Variants in TMTC2 observed in about 807,000 individuals in gnomAD.
TMTC2 encodes the protein transmembrane O-mannosyltransferase targeting cadherins 2, also known as protein O-mannosyl-transferase TMTC2.
A neutral mutation model predicts 82.4 loss-of-function variants in TMTC2; 43 were observed. That is an observed-to-expected ratio of 0.52 (90% confidence interval 0.41 to 0.67). The LOEUF is 0.67. TMTC2 is among the 30% of genes least tolerant of loss of function. The pLI is 0.00. For missense variants in TMTC2, 919 were observed against 1,012.4 expected, an observed-to-expected ratio of 0.91 and a Z score of 1.25; for synonymous variants, 408 against 381.9, an observed-to-expected ratio of 1.07 and a Z score of -0.80.
intron 1 of TMTC2, among the ~76,000 whole-genome samples, chr12:82,707,502 C>T (rs1160298260): frequency 6.6e-6 from 1 of 152,166 alleles, no homozygotes; most frequent in East Asian, 1.9e-4. Flanking sequence ...GCCATGAGGA[C>T]TCTGTTTCTT....
chr12:83,093,654 C>T (rs1474639393), intron 11 of TMTC2, among the ~76,000 whole-genome samples: 1 of 152,134 alleles, frequency 6.6e-6, no homozygotes, highest in Non-Finnish European at 1.5e-5. Flanking sequence ...TTCTCTTGAA[C>T]AGCACAGGAA....
chr12:82,973,297 A>C (rs1277042950), intron 7 of TMTC2, among the ~76,000 whole-genome samples: 1 of 152,204 alleles, frequency 6.6e-6, no homozygotes. Context: ...ATGAACCTCT[A>C]ATTTTTAAGA....
intron 11 of TMTC2, among the ~76,000 whole-genome samples, chr12:83,130,478 C>T (rs903776205): frequency 1.3e-5 from 2 of 151,990 alleles, no homozygotes; most frequent in Non-Finnish European, 2.9e-5. Context: ...GTCATCCTGA[C>T]CAAAAAGGTT....
At chr12:82,826,469 T>G (rs544972287) in intron 1 of TMTC2, among the ~76,000 whole-genome samples, 1 of 152,322 alleles carries the variant, frequency 6.6e-6, no homozygotes, top group African/African-American at 2.4e-5. Context: ...CCCTGCTAAG[T>G]TTAGAGTCCA....
intron 8 of TMTC2, 68 bp from the exon 9 acceptor site, chr12:83,030,730 T>G (rs757385908): frequency 7.9e-7 from 1 of 1,263,822 alleles, no homozygotes; most frequent in Non-Finnish European, 1.1e-6. Context: ...GCTACTTCAG[T>G]TAGGCCCAGG....
At chr12:82,784,527 G>A (rs1185199743) in intron 1 of TMTC2, among the ~76,000 whole-genome samples, 4 of 152,070 alleles carry the variant, frequency 2.6e-5, no homozygotes, top group African/African-American at 7.2e-5. Flanking sequence ...TGATACTGGG[G>A]ACTGGTTTCC....
intron 2 of TMTC2, among the ~76,000 whole-genome samples, chr12:82,874,532 TTA>T (rs1872381464): frequency 6.6e-6 from 1 of 152,228 alleles, no homozygotes; most frequent in Admixed American, 6.5e-5. Context: ...TCCAAAGTGC[TTA>T]TGTTTTTTTG....
intron 1 of TMTC2, chr12:82,760,906 G>A (rs1199916200): frequency 2.6e-6 from 1 of 389,532 alleles, no homozygotes; most frequent in East Asian, 1.0e-4. Context: ...ACAAGCTCAG[G>A]ACTCAGGACT....
At chr12:82,862,882 G>A (rs963861174) in intron 2 of TMTC2, among the ~76,000 whole-genome samples, 23 of 152,138 alleles carry the variant, frequency 1.5e-4, no homozygotes, top group Non-Finnish European at 2.6e-4. Context: ...AATTTCTGAG[G>A]GTGGGAGTTT....
intron 10 of TMTC2, among the ~76,000 whole-genome samples, chr12:83,053,013 T>C (rs914472768): frequency 5.9e-5 from 9 of 152,158 alleles, no homozygotes; most frequent in South Asian, 2.1e-4. Flanking sequence ...TTTTCACCTC[T>C]GTCAAATTCA....
intron 2 of TMTC2, among the ~76,000 whole-genome samples, chr12:82,879,014 T>C (rs941342624): frequency 6.6e-6 from 1 of 152,168 alleles, no homozygotes; most frequent in African/African-American, 2.4e-5. Context: ...CATATAGACA[T>C]CAATTTCCTC....
chr12:83,109,128 A>G (rs78837806), intron 11 of TMTC2, among the ~76,000 whole-genome samples: 5,522 of 152,262 alleles, frequency 0.036, 163 homozygotes, highest in Non-Finnish European at 0.053. Flanking sequence ...GAAATACCTG[A>G]GATTGGGTAA....
At chr12:83,128,565 A>T (rs1343718140) in intron 11 of TMTC2, among the ~76,000 whole-genome samples, 1 of 152,194 alleles carries the variant, frequency 6.6e-6, no homozygotes, top group Non-Finnish European at 1.5e-5. Context: ...AGAAGCTGTG[A>T]AATGATATAA....
At chr12:83,100,806 T>G (rs543761127) in intron 11 of TMTC2, among the ~76,000 whole-genome samples, 1 of 152,342 alleles carries the variant, frequency 6.6e-6, no homozygotes, top group Admixed American at 6.5e-5. Flanking sequence ...CTGAGCTGGA[T>G]TAAGATAATC....
chr12:82,963,818 TATATATA>T (rs1878054931), intron 4 of TMTC2, among the ~76,000 whole-genome samples: 2 of 84,470 alleles, frequency 2.4e-5, no homozygotes, highest in Non-Finnish European at 4.5e-5. Context: ...TATATATATA[TATATATA>T]TATATATATA....
intron 11 of TMTC2, among the ~76,000 whole-genome samples, chr12:83,062,799 G>A (rs1882790655): frequency 6.6e-6 from 1 of 151,666 alleles, no homozygotes; most frequent in African/African-American, 2.4e-5. Flanking sequence ...CAGTCTTCTG[G>A]GAGCACAAAG....
chr12:82,757,107 T>C (rs1876370361), intron 1 of TMTC2, among the ~76,000 whole-genome samples: 1 of 152,222 alleles, frequency 6.6e-6, no homozygotes, highest in Non-Finnish European at 1.5e-5. Flanking sequence ...TTTAATAGAA[T>C]GTTCCTGTGA....
At chr12:82,873,567 G>A (rs1261628766) in intron 2 of TMTC2, among the ~76,000 whole-genome samples, 1 of 152,120 alleles carries the variant, frequency 6.6e-6, no homozygotes, top group East Asian at 1.9e-4. Flanking sequence ...TTTCTTGGCT[G>A]TGTGTTTGGT....
chr12:82,771,725 TA>T (rs1877322698), intron 1 of TMTC2, among the ~76,000 whole-genome samples: 1 of 152,080 alleles, frequency 6.6e-6, no homozygotes, highest in African/African-American at 2.4e-5. Context: ...TAATGAACAA[TA>T]GAAAGTGATA....
Sources: gnomAD v4.1 joint callset for allele counts (sites outside exome capture counted in the v4.1 genomes callset) on GRCh38, gnomAD v4.1.1 for gene constraint, MANE v1.5 for transcripts, NCBI Gene and HGNC (gene_info 2026-07-23, HGNC 2026-07-21) for gene names.